The following CACNA1A variants were observed in gnomAD, a reference collection of about 807,000 sequenced individuals.
CACNA1A encodes the protein calcium voltage-gated channel subunit alpha1 A, also known as voltage-dependent P/Q-type calcium channel subunit alpha-1A.
A neutral mutation model predicts 262.4 loss-of-function variants in CACNA1A; 57 were observed. That is an observed-to-expected ratio of 0.22 (90% CI 0.18 to 0.27). The LOEUF (loss-of-function observed/expected upper bound fraction) is 0.27. Ranked by LOEUF, CACNA1A falls within the 10% of genes least tolerant of loss-of-function variation. The probability of loss-of-function intolerance (pLI) is 1.00; values close to 1 mark genes in which losing one functional copy is unlikely to be tolerated. For missense variants in CACNA1A, 2,526 were observed against 3,562.8 expected (o/e 0.71, Z 7.41); for synonymous variants, 1,431 against 1,419.3 (o/e 1.01, Z -0.18).
intron 1 of CACNA1A, among the ~76,000 whole-genome samples, chr19:13,490,682 GA>G (rs1980664333): frequency 1.9e-5 from 2 of 105,904 alleles, no homozygotes; most frequent in East Asian, 2.4e-4. Flanking sequence ...GAGAGAGAGA[GA>G]GAAAGAAAGG....
chr19:13,464,129 C>G (rs2061175968), intron 1 of CACNA1A, among the ~76,000 whole-genome samples: 1 of 152,202 alleles, frequency 6.6e-6, no homozygotes, highest in South Asian at 2.1e-4. Flanking sequence ...AGGTAGATGC[C>G]TATCATCTCA....
chr19:13,432,604 C>T (rs1170119523), intron 3 of CACNA1A, among the ~76,000 whole-genome samples: 1 of 151,212 alleles, frequency 6.6e-6, no homozygotes, highest in Non-Finnish European at 1.5e-5. Context: ...AGATCTTTTG[C>T]ACAGCATGGT....
chr19:13,359,049 G>A (rs1056650750), intron 6 of CACNA1A, among the ~76,000 whole-genome samples: 1 of 152,138 alleles, frequency 6.6e-6, no homozygotes, highest in African/African-American at 2.4e-5. Context: ...GTTGGGTTAC[G>A]AACAGATCCA....
intron 11 of CACNA1A, chr19:13,316,894 G>T (rs1312985892): frequency 1.2e-5 from 5 of 433,534 alleles, no homozygotes; most frequent in African/African-American, 4.0e-5. Context: ...TTGTTGGTCT[G>T]AATTCCAGCT....
At chr19:13,408,944 A>G (rs1286446849) in intron 3 of CACNA1A, among the ~76,000 whole-genome samples, 1 of 152,172 alleles carries the variant, frequency 6.6e-6, no homozygotes, top group Non-Finnish European at 1.5e-5. Flanking sequence ...CTCTATTAAA[A>G]TGTATTTTTG....
intron 34 of CACNA1A, 181 bp downstream of exon 34, chr19:13,234,740 G>A (rs2055812906): frequency 2.4e-6 from 1 of 410,776 alleles, no homozygotes; most frequent in Non-Finnish European, 4.0e-6. Context: ...GTCCCCTACC[G>A]GAAGAGAAGG....
intron 1 of CACNA1A, among the ~76,000 whole-genome samples, chr19:13,464,750 GT>G (rs1391538697): frequency 2.6e-5 from 4 of 151,254 alleles, no homozygotes; most frequent in East Asian, 2.0e-4. Flanking sequence ...GGGTTTCACC[GT>G]GTTAGCCAGG....
At chr19:13,474,837 G>T (rs1003333246) in intron 1 of CACNA1A, among the ~76,000 whole-genome samples, 1 of 150,398 alleles carries the variant, frequency 6.6e-6, no homozygotes, top group African/African-American at 2.5e-5. Context: ...AAAATGCAAT[G>T]AGTTAAAACA....
chr19:13,326,281 C>T (rs577986759), intron 10 of CACNA1A, among the ~76,000 whole-genome samples: 2 of 151,630 alleles, frequency 1.3e-5, no homozygotes, highest in East Asian at 3.9e-4. Context: ...CACCACTGCA[C>T]TCCCACCTGG....
chr19:13,245,052 T>TC (rs1197759629), intron 31 of CACNA1A, 130 bp downstream of exon 31: 1 of 764,828 alleles, frequency 1.3e-6, no homozygotes, highest in African/African-American at 1.7e-5. Context: ...CCCTCTCTGG[T>TC]CATGGCCAAG....
At chr19:13,282,189 G>A (rs2057307417) in intron 22 of CACNA1A, among the ~76,000 whole-genome samples, 1 of 152,242 alleles carries the variant, frequency 6.6e-6, no homozygotes, top group African/African-American at 2.4e-5. Context: ...GGAAGGAAGG[G>A]AAAGTGCATG....
intron 30 of CACNA1A, among the ~76,000 whole-genome samples, chr19:13,246,060 C>G (rs1181390444): frequency 1.3e-5 from 2 of 152,198 alleles, no homozygotes; most frequent in Admixed American, 6.5e-5. Flanking sequence ...ACCCAGGCCT[C>G]AGAGAGCCCA....
At chr19:13,319,777 G>A (rs1310961897) in intron 10 of CACNA1A, among the ~76,000 whole-genome samples, 3 of 152,174 alleles carry the variant, frequency 2.0e-5, no homozygotes, top group Admixed American at 2.0e-4. Context: ...GCACTGCAGG[G>A]AACATGTTTT....
intron 1 of CACNA1A, among the ~76,000 whole-genome samples, chr19:13,460,040 C>G (rs1205200740): frequency 6.6e-6 from 1 of 152,158 alleles, no homozygotes; most frequent in Non-Finnish European, 1.5e-5. Context: ...CACTGCTTTT[C>G]CAACATCATC....
chr19:13,354,873 T>C (rs112604574), intron 6 of CACNA1A, among the ~76,000 whole-genome samples: 6 of 64,806 alleles, frequency 9.3e-5, no homozygotes, highest in East Asian at 2.8e-4. Context: ...CTTTTTCTTT[T>C]TTTTTTTTTT....
At chr19:13,208,459 C>T (rs1426135067) in intron 46 of CACNA1A, among the ~76,000 whole-genome samples, 1 of 150,836 alleles carries the variant, frequency 6.6e-6, no homozygotes, top group Non-Finnish European at 1.5e-5. Context: ...AAAGGTCGGG[C>T]GGCACGGCCC....
chr19:13,245,503 C>A lies in CACNA1A; in HGVS notation c.4867-238G>T, dbSNP rs1204776885. 4 of 544,534 alleles carry A rather than the reference C, an allele frequency of 7.3e-6. No homozygotes were observed. In the Admixed American group the frequency reaches 1.2e-4, roughly 17 times the overall value. The allele number at this position is 544,534 out of a possible 1,614,324, so 33.7% of individuals were successfully genotyped here. A position where few individuals can be genotyped will look rare whatever the true frequency, so the allele number is the denominator to read the frequency against. On this transcript the variant is annotated intron_variant, in intron 30 of 46. Transcript: ENST00000360228. The stretch of plus-strand genomic sequence containing the variant: ...CTGGCCCCAGAGGGGGCCTCCAGAC[C>A]CTGCTTCAGCTCCACAGGGCTGGGG...
chr19:13,500,144 T>C (rs1174329892), intron 1 of CACNA1A, among the ~76,000 whole-genome samples: 3 of 152,178 alleles, frequency 2.0e-5, no homozygotes. Context: ...CTAAAACCCA[T>C]CAAAATCCTA....
chr19:13,451,969 T>G (rs1016842343), intron 3 of CACNA1A: 1 of 152,206 alleles, frequency 6.6e-6, no homozygotes, highest in Admixed American at 6.5e-5. Flanking sequence ...CTCCCAGGCA[T>G]GTACCACCAT....
Sources: allele counts gnomAD v4.1 joint callset (sites outside exome capture counted in the v4.1 genomes callset), GRCh38; gene constraint gnomAD v4.1.1; transcripts MANE v1.5; gene names NCBI Gene and HGNC (gene_info 2026-07-23, HGNC 2026-07-21).